Variants in PDE6A observed in about 807,000 individuals in gnomAD.
PDE6A encodes rod cGMP-specific 3',5'-cyclic phosphodiesterase subunit alpha.
PDE6A carries 84 observed loss-of-function variants against 106.3 expected under a neutral mutation model. That is an observed-to-expected ratio of 0.79 (90% CI 0.66 to 0.95). The LOEUF (loss-of-function observed/expected upper bound fraction) is 0.95, where lower values mean the gene tolerates loss of function less well. Among genes scored for constraint, PDE6A ranks in the 40% least tolerant of loss-of-function variants. PDE6A has a pLI of 0.00. For missense variants in PDE6A, 1,052 were observed against 1,084.9 expected, an observed-to-expected ratio of 0.97 and a Z score of 0.43; for synonymous variants, 394 against 386.6, an observed-to-expected ratio of 1.02 and a Z score of -0.23.
rs1343435656 is a variant in PDE6A, at chr5:149,883,485, A to G, written c.2079T>C (p.Ser693=). 1.2e-6 allele frequency: 2 copies of G among 1,613,620 alleles called. No individual in the cohort carries two copies. The highest frequency in any genetic ancestry group is 1.1e-5 in the South Asian group (1 of 91,048). ...TCATGTACTGTGTCCACTCCTGTTC[A>G]CTCTCATATGTCTTAGACTGATCCA... The part of the protein sequence containing the change: ...KIVDQSKTYE[S]EQEWTQYMML... Residue 693 remains serine, a synonymous_variant, in exon 17 of 22, where the codon AGT becomes AGC. Transcript: ENST00000255266.
At chr5:149,882,239 G>T (rs753029987) in intron 17 of PDE6A, among the ~76,000 whole-genome samples, 2 of 151,962 alleles carry the variant, frequency 1.3e-5, no homozygotes, top group Admixed American at 6.5e-5. Context: ...GGCTGAAGGA[G>T]TGGCAACTTG....
intron 17 of PDE6A, among the ~76,000 whole-genome samples, chr5:149,876,941 A>ACATAGATAGAT (rs1561694591): frequency 6.6e-6 from 1 of 152,152 alleles, no homozygotes; most frequent in African/African-American, 2.4e-5. Context: ...ATACATAGAT[A>ACATAGATAGAT]GATAGATGAT....
At chr5:149,896,635 G>A (rs13361222) in intron 11 of PDE6A, 76 bp downstream of exon 11, 53,634 of 1,613,628 alleles carry the variant, frequency 0.033, 1,115 homozygotes, top group African/African-American at 0.053. Flanking sequence ...TGCTTTGCAA[G>A]GAGAAACCCC....
intron 17 of PDE6A, among the ~76,000 whole-genome samples, chr5:149,877,136 A>C (rs1760770799): frequency 6.6e-6 from 1 of 152,224 alleles, no homozygotes; most frequent in Non-Finnish European, 1.5e-5. Flanking sequence ...GGACAGTGAT[A>C]CATTTTCTGA....
At position 149,934,978 on chromosome 5, in the gene PDE6A, AC is replaced by A. The variant is rs548729791; in HGVS notation, c.475-261del. Among the ~76,000 whole-genome samples, 5 of 152,224 alleles carry A rather than the reference AC, an allele frequency of 3.3e-5. No homozygotes were observed. In the South Asian group the frequency reaches 1.0e-3, roughly 32 times the overall value. On this transcript the variant is annotated intron_variant, in intron 1 of 21. Transcript: ENST00000255266. ...TTCCAGGGATGGGAGTGGGGGACTG[AC>A]TTTGCCTGGAGAAGGAGGGTTAGAG...
At chr5:149,873,747 A>T (rs909316031) in intron 17 of PDE6A, among the ~76,000 whole-genome samples, 2 of 152,100 alleles carry the variant, frequency 1.3e-5, no homozygotes, top group African/African-American at 4.8e-5. Context: ...AGCCTTTCCA[A>T]CTCATGGTTT....
At chr5:149,868,051 C>T in intron 18 of PDE6A, 44 bp downstream of exon 18, 1 of 1,576,942 alleles carries the variant, frequency 6.3e-7, no homozygotes, top group South Asian at 1.1e-5. Context: ...CTGATGCCCC[C>T]AGTACTGGGA....
At chr5:149,920,974 G>GAAAGAAAGAAAT (rs1561769374) in intron 5 of PDE6A, among the ~76,000 whole-genome samples, 1 of 131,050 alleles carries the variant, frequency 7.6e-6, no homozygotes, top group Non-Finnish European at 1.5e-5. Flanking sequence ...AAGAAAGAAA[G>GAAAGAAAGAAAT]AAAGAAAGAA....
chr5:149,910,918 C>T (rs1250727995), intron 6 of PDE6A, among the ~76,000 whole-genome samples: 1 of 114,140 alleles, frequency 8.8e-6, no homozygotes, highest in Admixed American at 1.2e-4. Context: ...CTCACTCTGT[C>T]CCCTAGGCTG....
intron 17 of PDE6A, among the ~76,000 whole-genome samples, chr5:149,879,343 A>G (rs1257054409): frequency 1.3e-5 from 2 of 151,802 alleles, no homozygotes; most frequent in Non-Finnish European, 2.9e-5. Flanking sequence ...AAGTGTTGGG[A>G]TTACAGGCAT....
chr5:149,911,881 T>A (rs245069), intron 6 of PDE6A, among the ~76,000 whole-genome samples: 64,616 of 146,576 alleles, frequency 0.44, 16,265 homozygotes, highest in Non-Finnish European at 0.58. Flanking sequence ...TGGCCAGGCA[T>A]GGTGGCTCAC....
chr5:149,886,293 T>G lies in PDE6A; in HGVS notation c.1810A>C (p.Arg604=). ...ATCTGGTAGAGGTTATTGGTGCCTC[T>G]GTGGTCAATGTCATGGCAGAAAGCA... ...TAAFCHDIDH[R]GTNNLYQMKS... is the part of the protein sequence containing the mutation. The change falls in exon 14 of 22, where the codon AGA becomes CGA. Residue 604 remains arginine, a synonymous_variant. Transcript: ENST00000255266. 1 of 1,613,928 alleles carries G rather than the reference T, an allele frequency of 6.2e-7. No homozygotes were observed. The highest frequency in any genetic ancestry group is 1.7e-5 in the Admixed American group (1 of 60,020).
chr5:149,925,359 T>C (rs1156268165), intron 4 of PDE6A, among the ~76,000 whole-genome samples: 1 of 152,060 alleles, frequency 6.6e-6, no homozygotes, highest in East Asian at 1.9e-4. Context: ...AATTCTAAAA[T>C]TGAAAAATAT....
intron 3 of PDE6A, chr5:149,932,646 G>T: frequency 1.2e-6 from 2 of 1,613,212 alleles, no homozygotes; most frequent in Non-Finnish European, 1.7e-6. Context: ...CATTTCGTAC[G>T]AATTCGACTA....
At chr5:149,920,307 G>A (rs924446639) in intron 5 of PDE6A, among the ~76,000 whole-genome samples, 3 of 152,158 alleles carry the variant, frequency 2.0e-5, no homozygotes, top group African/African-American at 4.8e-5. Context: ...GGGGCCGGGC[G>A]CAGTGGCTCA....
chr5:149,900,227 C>T lies in PDE6A; in HGVS notation c.1114-703G>A, dbSNP rs562765603. On this transcript the variant is annotated intron_variant, in intron 8 of 21. Transcript: ENST00000255266. ...AAATTAGCCAATTAGCCGGATGTGG[C>T]GGCATGCTCCTGTAATCCCAGCTAC... 5.3e-5 allele frequency among the ~76,000 whole-genome samples: 8 copies of T among 151,374 alleles called. No homozygotes were observed. In the East Asian group the frequency reaches 1.4e-3, roughly 26 times the overall value.
chr5:149,889,081 CA>C lies in PDE6A; in HGVS notation c.1729-2708del, dbSNP rs568428704. Reference sequence around the variant, plus strand: ...TGGGCGACAGAGTGAGACTCTGTCTCAAAAAAAAAAAAAAAAAGATCAGAAG... The same window carrying C: ...TGGGCGACAGAGTGAGACTCTGTCTCAAAAAAAAAAAAAAAAGATCAGAAG... On this transcript the variant is annotated intron_variant, in intron 13 of 21. Transcript: ENST00000255266. Among the ~76,000 whole-genome samples the C allele has an allele frequency of 9.6e-3, 593 of 61,560 alleles. 24 individuals are homozygous for C. Among genetic ancestry groups the C allele is most frequent in the African/African-American group, 0.026 (362 of 14,056 alleles). 40.4% of individuals were successfully genotyped at this position (61,560 alleles called of 152,430 possible).
intron 16 of PDE6A, 106 bp downstream of exon 16, chr5:149,884,373 T>C (rs1445215095): frequency 1.5e-5 from 11 of 726,564 alleles, no homozygotes; most frequent in Non-Finnish European, 2.7e-5. Context: ...TATGTATATA[T>C]GTGTGTATAT....
At position 149,921,650 on chromosome 5, in the gene PDE6A, C is replaced by T. The variant is rs139553131; in HGVS notation, c.918G>A (p.Arg306=). The change falls in exon 5 of 22, where the codon AGG becomes AGA. Residue 306 remains arginine (R), a synonymous_variant. Coordinates refer to ENST00000255266, the MANE Select transcript of PDE6A (RefSeq NM_000440.3). ...MGEVPPYSGP[R]TPDGREINFY... The stretch of plus-strand genomic sequence containing the variant: ...GAGAACGTACTCTTCCATCCGGAGT[C>T]CTGGGACCAGAGTAAGGTGGAACTT... 2.3e-4 allele frequency: 364 copies of T among 1,613,636 alleles called. No individual in the cohort carries two copies. In the African/African-American group the frequency reaches 4.4e-3, roughly 19 times the overall value.
Sources: allele counts gnomAD v4.1 joint callset (sites outside exome capture counted in the v4.1 genomes callset), GRCh38; gene constraint gnomAD v4.1.1; transcripts MANE v1.5; gene names NCBI Gene and HGNC (gene_info 2026-07-23, HGNC 2026-07-21).